ROBO2: variants seen among roughly 807,000 people sequenced by gnomAD.
ROBO2 encodes roundabout homolog 2.
ROBO2 carries 53 observed loss-of-function variants against 160.8 expected under a neutral mutation model. The observed-to-expected ratio is 0.33, with a 90% CI of 0.26 to 0.41. The LOEUF is 0.41. ROBO2 is among the 10% of genes least tolerant of loss of function. The pLI is 1.00. For synonymous variants in ROBO2, 664 were observed against 611.7 expected, an observed-to-expected ratio of 1.09 and a Z score of -1.26; for missense variants, 1,577 against 1,722.4, an observed-to-expected ratio of 0.92 and a Z score of 1.49.
chr3:77,554,030 CT>C (rs2093021557), intron 8 of ROBO2, among the ~76,000 whole-genome samples: 1 of 151,946 alleles, frequency 6.6e-6, no homozygotes, highest in South Asian at 2.1e-4. Context: ...CAATGCCTGG[CT>C]TTAAATGACA....
intron 2 of ROBO2, among the ~76,000 whole-genome samples, chr3:76,300,256 C>T (rs1235468477): frequency 6.6e-6 from 1 of 151,666 alleles, no homozygotes; most frequent in Non-Finnish European, 1.5e-5. Context: ...CAAGCTGTGG[C>T]TGCTCCCTGA....
At chr3:76,735,960 AAAAT>A (rs1397460723) in intron 2 of ROBO2, among the ~76,000 whole-genome samples, 2 of 151,918 alleles carry the variant, frequency 1.3e-5, no homozygotes, top group African/African-American at 4.8e-5. Flanking sequence ...ACTTTATTCT[AAAAT>A]AAAAGTCAAA....
At chr3:76,264,841 C>T (rs1216188100) in intron 2 of ROBO2, among the ~76,000 whole-genome samples, 1 of 152,072 alleles carries the variant, frequency 6.6e-6, no homozygotes, top group Non-Finnish European at 1.5e-5. Context: ...CATGAGAACT[C>T]TGATCTCTCC....
chr3:77,439,674 G>C (rs551006549), intron 2 of ROBO2, among the ~76,000 whole-genome samples: 3 of 152,124 alleles, frequency 2.0e-5, no homozygotes, highest in Admixed American at 6.6e-5. Flanking sequence ...GGAGTACAAG[G>C]CAACCTACTA....
At chr3:76,321,698 G>A (rs2072541144) in intron 2 of ROBO2, among the ~76,000 whole-genome samples, 1 of 152,026 alleles carries the variant, frequency 6.6e-6, no homozygotes, top group South Asian at 2.1e-4. Flanking sequence ...GAGAATTAGT[G>A]GAAAATAACA....
At chr3:77,298,173 A>G (rs1349755331) in intron 2 of ROBO2, among the ~76,000 whole-genome samples, 1 of 152,192 alleles carries the variant, frequency 6.6e-6, no homozygotes, top group East Asian at 1.9e-4. Context: ...AAAAATTCTC[A>G]GCATGAATTG....
At chr3:77,432,436 A>G (rs1055557555) in intron 2 of ROBO2, among the ~76,000 whole-genome samples, 5 of 152,114 alleles carry the variant, frequency 3.3e-5, no homozygotes, top group Non-Finnish European at 7.4e-5. Flanking sequence ...AGTTACCTCC[A>G]CACCAGTCTA....
chr3:77,614,983 A>G (rs1404432563), intron 21 of ROBO2, among the ~76,000 whole-genome samples: 1 of 152,058 alleles, frequency 6.6e-6, no homozygotes, highest in Non-Finnish European at 1.5e-5. Flanking sequence ...GTGTTGTTTA[A>G]AATGTTCCTT....
chr3:77,386,216 A>T (rs956668266), intron 2 of ROBO2, among the ~76,000 whole-genome samples: 1 of 152,220 alleles, frequency 6.6e-6, no homozygotes, highest in Non-Finnish European at 1.5e-5. Flanking sequence ...GACTTTAAAA[A>T]GTTCAATAAC....
intron 2 of ROBO2, among the ~76,000 whole-genome samples, chr3:76,559,671 C>T (rs1385323596): frequency 6.6e-6 from 1 of 152,008 alleles, no homozygotes; most frequent in Non-Finnish European, 1.5e-5. Context: ...CTATTCGAGG[C>T]CCAGTGACAT....
At chr3:76,058,589 C>CCTTT (rs2067940820) in intron 2 of ROBO2, among the ~76,000 whole-genome samples, 1 of 48,860 alleles carries the variant, frequency 2.0e-5, no homozygotes, top group Admixed American at 3.1e-4. Flanking sequence ...ACAGCAGAAA[C>CCTTT]TTTTTTTTTT....
chr3:76,877,241 G>A (rs1408065558), intron 2 of ROBO2, among the ~76,000 whole-genome samples: 1 of 152,142 alleles, frequency 6.6e-6, no homozygotes, highest in Non-Finnish European at 1.5e-5. Context: ...ATTAGCTTAA[G>A]GTTTTTCTTA....
At chr3:76,605,898 C>T (rs2087614181) in intron 2 of ROBO2, among the ~76,000 whole-genome samples, 1 of 152,018 alleles carries the variant, frequency 6.6e-6, no homozygotes, top group African/African-American at 2.4e-5. Context: ...TAGGACTGTC[C>T]AGCAGTAGAA....
At chr3:76,590,433 G>A (rs1375454355) in intron 2 of ROBO2, among the ~76,000 whole-genome samples, 2 of 151,962 alleles carry the variant, frequency 1.3e-5, no homozygotes, top group Admixed American at 1.3e-4. Context: ...CATGAAATTG[G>A]CATGCATAAT....
chr3:77,123,113 A>T (rs75894324), intron 2 of ROBO2, among the ~76,000 whole-genome samples: 5,046 of 152,308 alleles, frequency 0.033, 120 homozygotes, highest in South Asian at 0.088. Context: ...ACTCTATATG[A>T]TTTAATATTT....
At chr3:77,314,426 T>C (rs182743531) in intron 2 of ROBO2, among the ~76,000 whole-genome samples, 64 of 152,318 alleles carry the variant, frequency 4.2e-4, no homozygotes, top group Middle Eastern at 6.8e-3. Flanking sequence ...ATTGATGTGT[T>C]TTTCTTTTAA....
At chr3:76,050,060 C>T (rs547888102) in intron 2 of ROBO2, among the ~76,000 whole-genome samples, 8 of 152,136 alleles carry the variant, frequency 5.3e-5, no homozygotes, top group Admixed American at 2.6e-4. Flanking sequence ...GATTGAAAGA[C>T]GCAAATAACT....
chr3:76,364,684 A>C (rs1285415153), intron 2 of ROBO2, among the ~76,000 whole-genome samples: 2 of 152,038 alleles, frequency 1.3e-5, no homozygotes, highest in African/African-American at 4.8e-5. Context: ...CCTTTTGTTC[A>C]TTTCACTGAA....
At chr3:77,348,790 A>G (rs2067967532) in intron 2 of ROBO2, among the ~76,000 whole-genome samples, 1 of 152,062 alleles carries the variant, frequency 6.6e-6, no homozygotes, top group Admixed American at 6.6e-5. Flanking sequence ...AGTGCCCACC[A>G]CAGCTCTGAC....
Sources: allele counts gnomAD v4.1 joint callset (sites outside exome capture counted in the v4.1 genomes callset), GRCh38; gene constraint gnomAD v4.1.1; transcripts MANE v1.5; gene names NCBI Gene and HGNC (gene_info 2026-07-23, HGNC 2026-07-21).